Variants in BLTP1 observed in about 807,000 individuals in gnomAD.
The protein encoded by BLTP1 is fragile site-associated protein.
the BLTP1 span, chr4:122,353,769 A>C: frequency 1.3e-6 from 2 of 1,565,206 alleles, no homozygotes; most frequent in Non-Finnish European, 1.7e-6. The surrounding 1 kb of genome is among the most constrained non-coding windows in gnomAD (Gnocchi z 4.3). Flanking sequence ...TCTTGAATCT[A>C]AATATGGTTT....
chr4:122,338,845 C>T, the BLTP1 span, among the ~76,000 whole-genome samples: 1 of 152,082 alleles, frequency 6.6e-6, no homozygotes, highest in Non-Finnish European at 1.5e-5. Flanking sequence ...TCTGAGATGG[C>T]TCCTCAAATA....
chr4:122,284,071 G>C, the BLTP1 span, among the ~76,000 whole-genome samples: 3 of 152,270 alleles, frequency 2.0e-5, no homozygotes, highest in East Asian at 1.9e-4. Context: ...TAGGTATCTT[G>C]TGGTGTTGTA....
At chr4:122,159,851 T>A in the BLTP1 span, among the ~76,000 whole-genome samples, 7 of 152,350 alleles carry the variant, frequency 4.6e-5, no homozygotes, top group South Asian at 6.2e-4. Flanking sequence ...AGACAATTTC[T>A]ATTATTTCTG....
chr4:122,332,535 T>A, the BLTP1 span, among the ~76,000 whole-genome samples: 5 of 151,932 alleles, frequency 3.3e-5, no homozygotes, highest in African/African-American at 1.2e-4. Context: ...ATGCAAGGCA[T>A]TAACCAGTCT....
At chr4:122,192,348 T>A in the BLTP1 span, 1 of 1,613,116 alleles carries the variant, frequency 6.2e-7, no homozygotes, top group Admixed American at 1.7e-5. Context: ...AGGAACAGAT[T>A]TTAATTATGG....
At chr4:122,226,789 T>G in the BLTP1 span, 1 of 1,613,236 alleles carries the variant, frequency 6.2e-7, no homozygotes, top group Non-Finnish European at 8.5e-7. Context: ...CCGAAATCAG[T>G]TATAATATGT....
chr4:122,315,255 C>G, the BLTP1 span, among the ~76,000 whole-genome samples: 7 of 151,998 alleles, frequency 4.6e-5, no homozygotes, highest in African/African-American at 1.7e-4. Flanking sequence ...ACCTGTAGTT[C>G]ATAGGGAAAA....
the BLTP1 span, chr4:122,262,637 G>T: frequency 9.1e-7 from 1 of 1,099,582 alleles, no homozygotes; most frequent in Non-Finnish European, 1.3e-6. Context: ...TAGTATACAT[G>T]ATCAGTTTTG....
chr4:122,189,351 A>G, the BLTP1 span: 3 of 981,916 alleles, frequency 3.1e-6, no homozygotes, highest in Non-Finnish European at 3.6e-6. Context: ...AATCAAAGCA[A>G]GCAAAGATTA....
At chr4:122,196,521 T>G in the BLTP1 span, 85 of 795,544 alleles carry the variant, frequency 1.1e-4, no homozygotes, top group Non-Finnish European at 1.5e-4. Context: ...AACAGTCTAA[T>G]TGTCAAATGT....
the BLTP1 span, chr4:122,325,236 A>G: frequency 6.2e-7 from 1 of 1,602,128 alleles, no homozygotes; most frequent in East Asian, 2.2e-5. Flanking sequence ...GCAGTTCTCG[A>G]GTAGGAGAAA....
chr4:122,207,799 T>C, the BLTP1 span: 1 of 807,448 alleles, frequency 1.2e-6, no homozygotes, highest in Non-Finnish European at 1.5e-6. Context: ...GTTCCTGTTG[T>C]TTTCTTTTTG....
chr4:122,209,785 C>T, the BLTP1 span: 39 of 1,606,126 alleles, frequency 2.4e-5, 1 homozygote, highest in South Asian at 3.7e-4. Flanking sequence ...GAATGAGTAT[C>T]TGACTAGAAA....
the BLTP1 span, chr4:122,243,729 A>G: frequency 1.6e-6 from 2 of 1,221,284 alleles, no homozygotes; most frequent in Non-Finnish European, 2.1e-6. Flanking sequence ...AGAAAAAAAA[A>G]AAGTCAAGTC....
the BLTP1 span, chr4:122,280,149 C>T: frequency 3.0e-6 from 3 of 985,264 alleles, no homozygotes; most frequent in Admixed American, 6.1e-5. Context: ...GTGAGAATGA[C>T]TTTTGAAAGC....
the BLTP1 span, chr4:122,239,533 C>T: frequency 1.3e-6 from 2 of 1,574,030 alleles, no homozygotes; most frequent in Non-Finnish European, 1.7e-6. Context: ...ACAGAAATTT[C>T]AGGAAACAGC....
the BLTP1 span, among the ~76,000 whole-genome samples, chr4:122,273,930 T>C: frequency 1.3e-5 from 2 of 152,044 alleles, no homozygotes; most frequent in Non-Finnish European, 2.9e-5. Flanking sequence ...AAAATATTTA[T>C]ACCCTCCATT....
At chr4:122,351,538 C>A in the BLTP1 span, among the ~76,000 whole-genome samples, 2 of 152,162 alleles carry the variant, frequency 1.3e-5, no homozygotes, top group African/African-American at 4.8e-5. Context: ...AATCCAAAGT[C>A]ACAGGTTAAA....
At chr4:122,200,906 ATGTTT>A in the BLTP1 span, 1 of 1,468,460 alleles carries the variant, frequency 6.8e-7, no homozygotes, top group Non-Finnish European at 9.1e-7. Context: ...CAGTAGGAAA[ATGTTT>A]TAATTACTCA....
Sources: gnomAD v4.1 joint callset for allele counts (sites outside exome capture counted in the v4.1 genomes callset) on GRCh38, gnomAD v4.1.1 for gene constraint, Gnocchi (gnomAD v3.1) non-coding constraint, MANE v1.5 for transcripts, NCBI Gene and HGNC (gene_info 2026-07-23, HGNC 2026-07-21) for gene names.